ZNF385D: variants seen among roughly 807,000 people sequenced by gnomAD.
The protein encoded by ZNF385D is zinc finger protein 385D.
Under a neutral mutation model 35.8 loss-of-function variants are expected in ZNF385D, and 15 were observed. The ratio of observed to expected loss-of-function variants is 0.42; its 90% CI spans 0.28 to 0.64. The LOEUF is 0.64. Ranked by LOEUF, ZNF385D falls within the 30% of genes least tolerant of loss-of-function variation. The pLI is 0.23. For missense variants in ZNF385D, 474 were observed against 494.6 expected, an observed-to-expected ratio of 0.96 and a Z score of 0.39; for synonymous variants, 212 against 186.8, an observed-to-expected ratio of 1.13 and a Z score of -1.10.
At chr3:22,088,215 G>A (rs984772164) in intron 3 of ZNF385D, among the ~76,000 whole-genome samples, 2 of 152,184 alleles carry the variant, frequency 1.3e-5, no homozygotes, top group Admixed American at 6.5e-5. Context: ...GTTAACATGG[G>A]CACGATGAGC....
chr3:22,040,031 A>C (rs970269327), intron 3 of ZNF385D, among the ~76,000 whole-genome samples: 8 of 152,122 alleles, frequency 5.3e-5, no homozygotes, highest in Admixed American at 6.6e-5. Flanking sequence ...CGTTGCCTCA[A>C]CCTGGCCATG....
At chr3:21,978,417 T>C (rs1481246082) in intron 3 of ZNF385D, 1 of 152,236 alleles carries the variant, frequency 6.6e-6, no homozygotes, top group Non-Finnish European at 1.5e-5. Context: ...TTTTAATTTA[T>C]TTATTTTTGC....
At chr3:21,461,055 C>T (rs1703137565) in intron 4 of ZNF385D, among the ~76,000 whole-genome samples, 1 of 152,086 alleles carries the variant, frequency 6.6e-6, no homozygotes, top group Admixed American at 6.6e-5. Context: ...AATTAATTCA[C>T]ATAAAGTCAC....
intron 1 of ZNF385D, among the ~76,000 whole-genome samples, chr3:21,741,943 C>G (rs2069535503): frequency 6.6e-6 from 1 of 152,088 alleles, no homozygotes; most frequent in South Asian, 2.1e-4. Flanking sequence ...ATATTGAAAC[C>G]ACAATACAAG....
chr3:21,443,525 TAA>T (rs1701972390), intron 4 of ZNF385D, among the ~76,000 whole-genome samples: 1 of 152,158 alleles, frequency 6.6e-6, no homozygotes, highest in African/African-American at 2.4e-5. Flanking sequence ...GACTCTAATA[TAA>T]GAGTGGAGGG....
intron 3 of ZNF385D, among the ~76,000 whole-genome samples, chr3:22,071,797 T>C (rs1410692706): frequency 6.6e-6 from 1 of 152,112 alleles, no homozygotes; most frequent in Non-Finnish European, 1.5e-5. Flanking sequence ...TTTCTCCTCC[T>C]GGCCATGCAG....
chr3:21,690,334 T>C (rs2067241616), intron 1 of ZNF385D, among the ~76,000 whole-genome samples: 1 of 152,132 alleles, frequency 6.6e-6, no homozygotes, highest in African/African-American at 2.4e-5. Flanking sequence ...GCAAGCTATC[T>C]GGAATGCATA....
chr3:21,918,843 A>T (rs947562141), intron 3 of ZNF385D, among the ~76,000 whole-genome samples: 1 of 152,094 alleles, frequency 6.6e-6, no homozygotes, highest in African/African-American at 2.4e-5. Context: ...TGACAGCGAG[A>T]TCTCGTGATT....
At chr3:21,977,753 T>G (rs932966733) in intron 3 of ZNF385D, among the ~76,000 whole-genome samples, 6 of 152,098 alleles carry the variant, frequency 3.9e-5, no homozygotes, top group Non-Finnish European at 8.8e-5. Flanking sequence ...AGAGGATCGC[T>G]TGAGCCCAGC....
At chr3:22,108,787 T>C (rs1576334710) in intron 3 of ZNF385D, among the ~76,000 whole-genome samples, 1 of 151,854 alleles carries the variant, frequency 6.6e-6, no homozygotes, top group Admixed American at 6.6e-5. Flanking sequence ...CTGAGATGGG[T>C]GGATCACTTG....
At chr3:21,839,870 G>T (rs1027954472) in intron 3 of ZNF385D, among the ~76,000 whole-genome samples, 3 of 151,932 alleles carry the variant, frequency 2.0e-5, no homozygotes, top group Admixed American at 2.0e-4. Context: ...CTACTGGAGG[G>T]GTCAGAAATT....
chr3:21,534,833 A>G (rs979784967), intron 3 of ZNF385D, among the ~76,000 whole-genome samples: 1 of 152,092 alleles, frequency 6.6e-6, no homozygotes, highest in African/African-American at 2.4e-5. Flanking sequence ...TTTAGCTGCC[A>G]TTTGTGTTTG....
intron 3 of ZNF385D, among the ~76,000 whole-genome samples, chr3:21,793,831 G>C (rs2072029684): frequency 1.3e-5 from 2 of 152,192 alleles, no homozygotes; most frequent in Admixed American, 1.3e-4. Flanking sequence ...CAAAAAGTTA[G>C]ATCTATTGTC....
chr3:21,688,419 T>C (rs547268264), intron 1 of ZNF385D, among the ~76,000 whole-genome samples: 7 of 152,170 alleles, frequency 4.6e-5, no homozygotes, highest in South Asian at 4.2e-4. Flanking sequence ...TTATTTCAAA[T>C]GAAACAAAAT....
upstream of ZNF385D, chr3:21,751,366 G>A: frequency 9.6e-7 from 1 of 1,040,830 alleles, no homozygotes; most frequent in Non-Finnish European, 1.2e-6. Flanking sequence ...TGAGGGGCGC[G>A]GGAGGCTCTC....
intron 3 of ZNF385D, among the ~76,000 whole-genome samples, chr3:22,087,858 C>T (rs1458122639): frequency 1.3e-5 from 2 of 152,028 alleles, no homozygotes; most frequent in Admixed American, 6.6e-5. Context: ...TATCCAAAAG[C>T]CTGTATTAAA....
chr3:22,072,848 A>G (rs1170524949), intron 3 of ZNF385D, among the ~76,000 whole-genome samples: 1 of 152,036 alleles, frequency 6.6e-6, no homozygotes, highest in African/African-American at 2.4e-5. Context: ...TTAGTGTCCT[A>G]GAATACATAT....
At chr3:21,901,989 A>C (rs1699438976) in intron 3 of ZNF385D, among the ~76,000 whole-genome samples, 1 of 152,120 alleles carries the variant, frequency 6.6e-6, no homozygotes, top group East Asian at 1.9e-4. Flanking sequence ...CTCTCTGTCC[A>C]TTGGGTGATA....
intron 1 of ZNF385D, among the ~76,000 whole-genome samples, chr3:21,737,021 C>A (rs145067183): frequency 9.5e-4 from 144 of 152,256 alleles, no homozygotes; most frequent in Non-Finnish European, 1.7e-3. Flanking sequence ...CTCACTGCAA[C>A]CTCTGCCTCC....
Sources: gnomAD v4.1 joint callset for allele counts (sites outside exome capture counted in the v4.1 genomes callset) on GRCh38, gnomAD v4.1.1 for gene constraint, MANE v1.5 for transcripts, NCBI Gene and HGNC (gene_info 2026-07-23, HGNC 2026-07-21) for gene names.